TMEM177: variants seen among roughly 807,000 people sequenced by gnomAD.
The protein encoded by TMEM177 is transmembrane protein 177.
In TMEM177, 4 loss-of-function variants were observed where a neutral mutation model predicts 14.2. The observed-to-expected ratio is 0.28, with a 90% CI of 0.14 to 0.64. The LOEUF (loss-of-function observed/expected upper bound fraction) is 0.64. Ranked by LOEUF, TMEM177 falls within the 30% of genes least tolerant of loss-of-function variation. The probability of loss-of-function intolerance (pLI) is 0.82; values close to 1 mark genes in which losing one functional copy is unlikely to be tolerated. For synonymous variants in TMEM177, 179 were observed against 174.5 expected (o/e 1.03, Z -0.20); for missense variants, 344 against 405.2 (o/e 0.85, Z 1.30).
At chr2:119,691,059 T>G (rs1689087051), downstream of TMEM177, among the ~76,000 whole-genome samples, 1 of 152,180 alleles carries the variant, frequency 6.6e-6, no homozygotes, top group South Asian at 2.1e-4. Flanking sequence ...TGCATGTCTT[T>G]GTTGATTTTC....
At chr2:119,697,872 A>G in the TMEM177 span, among the ~76,000 whole-genome samples, 12 of 152,376 alleles carry the variant, frequency 7.9e-5, no homozygotes, top group Non-Finnish European at 1.5e-4. Flanking sequence ...CAGGAGCCAT[A>G]CAAAATATGA....
chr2:119,720,461 G>A, the TMEM177 span, among the ~76,000 whole-genome samples: 2 of 151,988 alleles, frequency 1.3e-5, no homozygotes, highest in East Asian at 1.9e-4. Context: ...TTTGAGACAG[G>A]GTTTCTCCAT....
the TMEM177 span, among the ~76,000 whole-genome samples, chr2:119,720,944 T>C: frequency 2.0e-5 from 3 of 152,188 alleles, no homozygotes; most frequent in Non-Finnish European, 2.9e-5. Flanking sequence ...TCCCTTCTGT[T>C]CTATCAGTAT....
At chr2:119,684,949 G>A (rs1324215114), downstream of TMEM177, among the ~76,000 whole-genome samples, 1 of 152,132 alleles carries the variant, frequency 6.6e-6, no homozygotes, top group African/African-American at 2.4e-5. Context: ...AAGTTGGGTG[G>A]TAGGCAGCTG....
chr2:119,709,991 A>G, the TMEM177 span, among the ~76,000 whole-genome samples: 1 of 152,152 alleles, frequency 6.6e-6, no homozygotes, highest in East Asian at 1.9e-4. Context: ...GACTGGGGAA[A>G]GGGGAAATGG....
At chr2:119,700,689 A>G in the TMEM177 span, among the ~76,000 whole-genome samples, 28 of 152,300 alleles carry the variant, frequency 1.8e-4, no homozygotes, top group Non-Finnish European at 2.4e-4. Context: ...CCCAGATTCA[A>G]TGACAAGACC....
At chr2:119,689,978 C>T (rs1176288974), downstream of TMEM177, among the ~76,000 whole-genome samples, 3 of 152,176 alleles carry the variant, frequency 2.0e-5, no homozygotes, top group Non-Finnish European at 4.4e-5. Flanking sequence ...CCCCTAGAGC[C>T]CTTGCTCCCC....
chr2:119,705,088 T>A, the TMEM177 span, among the ~76,000 whole-genome samples: 20 of 152,170 alleles, frequency 1.3e-4, no homozygotes, highest in Admixed American at 1.3e-4. Context: ...AATGGATGAA[T>A]GAACAAATGA....
At chr2:119,702,028 G>A in the TMEM177 span, among the ~76,000 whole-genome samples, 13 of 152,194 alleles carry the variant, frequency 8.5e-5, no homozygotes, top group Non-Finnish European at 1.6e-4. Context: ...GGAGCAATTT[G>A]GGGAAGTTCA....
the TMEM177 span, among the ~76,000 whole-genome samples, chr2:119,696,576 T>G: frequency 1.3e-5 from 2 of 152,212 alleles, no homozygotes; most frequent in African/African-American, 2.4e-5. Context: ...TAAGTCATTA[T>G]AGAGCATCCA....
the TMEM177 span, among the ~76,000 whole-genome samples, chr2:119,701,592 G>T: frequency 6.6e-6 from 1 of 152,258 alleles, no homozygotes; most frequent in South Asian, 2.1e-4. Flanking sequence ...GCCACAGAGG[G>T]GTTCCAGTGA....
the TMEM177 span, among the ~76,000 whole-genome samples, chr2:119,719,610 G>A: frequency 6.6e-6 from 1 of 152,154 alleles, no homozygotes; most frequent in Non-Finnish European, 1.5e-5. Flanking sequence ...GTTTTTGTTT[G>A]AGGTTGTTGT....
the TMEM177 span, among the ~76,000 whole-genome samples, chr2:119,702,452 G>C: frequency 6.6e-6 from 1 of 152,148 alleles, no homozygotes; most frequent in Non-Finnish European, 1.5e-5. Flanking sequence ...GAGGACAGAT[G>C]ACAAAGAGGA....
At chr2:119,685,262 A>G (rs113384919), downstream of TMEM177, among the ~76,000 whole-genome samples, 6,068 of 122,522 alleles carry the variant, frequency 0.05, 259 homozygotes, top group African/African-American at 0.12. Context: ...ACACACACAC[A>G]CACATCTGGA....
At chr2:119,680,722 A>C in intron 1 of TMEM177, 110 bp from the exon 2 acceptor site, 1 of 798,832 alleles carries the variant, frequency 1.3e-6, no homozygotes, top group South Asian at 1.8e-5. Flanking sequence ...CACACTCTTC[A>C]CCACTATGCT....
chr2:119,723,176 A>T, the TMEM177 span, among the ~76,000 whole-genome samples: 1 of 152,174 alleles, frequency 6.6e-6, no homozygotes, highest in South Asian at 2.1e-4. Flanking sequence ...AATGCTTTAT[A>T]AAAAAGCCAT....
chr2:119,701,070 T>C, the TMEM177 span, among the ~76,000 whole-genome samples: 1 of 152,206 alleles, frequency 6.6e-6, no homozygotes, highest in Non-Finnish European at 1.5e-5. Context: ...GAATGTGTGG[T>C]GACCTGGTAG....
At chr2:119,705,619 C>CGTGTGTGTGTGTGTGTGTGTGTGTGT in the TMEM177 span, among the ~76,000 whole-genome samples, 1 of 139,160 alleles carries the variant, frequency 7.2e-6, no homozygotes, top group Non-Finnish European at 1.5e-5. Context: ...CACTCAGATC[C>CGTGTGTGTGTGTGTGTGTGTGTGTGT]GTGTGTGTGT....
chr2:119,706,472 C>G, the TMEM177 span, among the ~76,000 whole-genome samples: 306 of 152,300 alleles, frequency 2.0e-3, 1 homozygote, highest in Admixed American at 3.8e-3. Context: ...GCATATATTT[C>G]CTTTGCTGAG....
Sources: gnomAD v4.1 joint callset for allele counts (sites outside exome capture counted in the v4.1 genomes callset) on GRCh38, gnomAD v4.1.1 for gene constraint, MANE v1.5 for transcripts, NCBI Gene and HGNC (gene_info 2026-07-23, HGNC 2026-07-21) for gene names.